Variants in ALK observed in about 807,000 individuals in gnomAD.
ALK encodes ALK receptor tyrosine kinase, also known as ALK tyrosine kinase receptor.
In ALK, 74 loss-of-function variants were observed where a neutral mutation model predicts 163.1. That is an observed-to-expected ratio of 0.45 (90% CI 0.38 to 0.55). The LOEUF is 0.55. Ranked by LOEUF, ALK falls within the 20% of genes least tolerant of loss-of-function variation. The pLI is 0.00. For missense variants in ALK, 2,063 were observed against 2,105.3 expected, an observed-to-expected ratio of 0.98 and a Z score of 0.39; for synonymous variants, 960 against 843.2, an observed-to-expected ratio of 1.14 and a Z score of -2.40.
At chr2:29,544,399 G>A (rs959342864) in intron 3 of ALK, among the ~76,000 whole-genome samples, 13 of 152,302 alleles carry the variant, frequency 8.5e-5, no homozygotes, top group African/African-American at 3.1e-4. Context: ...ATGCCAATAA[G>A]AGTTGTGGCT....
At chr2:29,363,799 C>G (rs1668436670) in intron 5 of ALK, among the ~76,000 whole-genome samples, 2 of 152,186 alleles carry the variant, frequency 1.3e-5, no homozygotes, top group African/African-American at 4.8e-5. Flanking sequence ...TCAGCCATCT[C>G]TTCAGAAAAG....
At chr2:29,283,237 T>G (rs901818872) in intron 9 of ALK, among the ~76,000 whole-genome samples, 2 of 152,204 alleles carry the variant, frequency 1.3e-5, no homozygotes, top group Admixed American at 6.5e-5. Flanking sequence ...AATTTTCCCA[T>G]CATCTCTTGC....
At chr2:29,483,431 C>G (rs7588356) in intron 4 of ALK, among the ~76,000 whole-genome samples, 1 of 152,122 alleles carries the variant, frequency 6.6e-6, no homozygotes, top group African/African-American at 2.4e-5. Flanking sequence ...AGTCTGTGCA[C>G]CAGTAGGCGG....
chr2:29,574,361 A>G (rs11692639), intron 3 of ALK, among the ~76,000 whole-genome samples: 18,833 of 152,298 alleles, frequency 0.12, 1,541 homozygotes, highest in Non-Finnish European at 0.19. Flanking sequence ...CGAAACGTAC[A>G]TGAGGGGGTT....
chr2:29,358,993 T>C (rs561212149), intron 5 of ALK, among the ~76,000 whole-genome samples: 48 of 152,244 alleles, frequency 3.2e-4, no homozygotes, highest in African/African-American at 1.1e-3. Flanking sequence ...TCTAGGTATA[T>C]CTAGAGATCA....
intron 4 of ALK, among the ~76,000 whole-genome samples, chr2:29,488,448 C>T (rs1199519277): frequency 4.6e-5 from 7 of 152,042 alleles, no homozygotes; most frequent in South Asian, 2.1e-4. Flanking sequence ...AGCAGAACAG[C>T]GCTAGTTCAG....
chr2:29,273,320 C>T (rs1335438050), intron 11 of ALK, among the ~76,000 whole-genome samples: 2 of 152,220 alleles, frequency 1.3e-5, no homozygotes, highest in Non-Finnish European at 2.9e-5. Flanking sequence ...ATAGGCACTA[C>T]CTCAGTATTG....
At chr2:29,800,946 C>T (rs1337853475) in intron 1 of ALK, among the ~76,000 whole-genome samples, 1 of 152,184 alleles carries the variant, frequency 6.6e-6, no homozygotes, top group African/African-American at 2.4e-5. Flanking sequence ...CCTGTGGGCT[C>T]CCGTGGGCGC....
At chr2:29,498,931 G>A (rs980874518) in intron 4 of ALK, among the ~76,000 whole-genome samples, 2 of 152,164 alleles carry the variant, frequency 1.3e-5, no homozygotes, top group African/African-American at 4.8e-5. Context: ...TTGGAAGCTA[G>A]AAGATCACCT....
At chr2:29,767,576 C>A (rs1269953637) in intron 1 of ALK, among the ~76,000 whole-genome samples, 2 of 152,186 alleles carry the variant, frequency 1.3e-5, no homozygotes, top group Non-Finnish European at 2.9e-5. Context: ...CATGGAGGGC[C>A]TAATGGAAGA....
intron 1 of ALK, among the ~76,000 whole-genome samples, chr2:29,832,602 A>G (rs1332894104): frequency 1.3e-5 from 2 of 152,358 alleles, no homozygotes; most frequent in South Asian, 2.1e-4. Flanking sequence ...GCTTCTGAAC[A>G]TAGCTACTTC....
chr2:29,678,281 CT>C lies in ALK; in HGVS notation c.952+16568del, dbSNP rs556873856. Among the ~76,000 whole-genome samples, 1,028 of 151,824 alleles carry C rather than the reference CT, an allele frequency of 6.8e-3. 6 individuals carry two copies. Among genetic ancestry groups the C allele is most frequent in the Non-Finnish European group, 9.8e-3 (664 of 67,808 alleles). ...TTGGGTTCAATGATTCTTACTACTGCTTTTTTATTTCATGGATTTCTACTCA... is the reference window on the plus strand; with the variant it reads ...TTGGGTTCAATGATTCTTACTACTGCTTTTTATTTCATGGATTTCTACTCA... On this transcript the variant is annotated intron_variant, in intron 3 of 28. Coordinates refer to ENST00000389048, the MANE Select transcript of ALK (RefSeq NM_004304.5).
chr2:29,773,185 A>G (rs886924638), intron 1 of ALK, among the ~76,000 whole-genome samples: 4 of 152,168 alleles, frequency 2.6e-5, no homozygotes, highest in African/African-American at 9.7e-5. Context: ...TATTATTTGT[A>G]AATTGTACAC....
At chr2:29,232,560 G>C in intron 14 of ALK, 112 bp from the exon 15 acceptor site, 1 of 1,445,722 alleles carries the variant, frequency 6.9e-7, no homozygotes, top group Non-Finnish European at 9.5e-7. Context: ...GGGGTGACCT[G>C]GTGACCTCTC....
chr2:29,913,949 G>C (rs1366633673), intron 1 of ALK, among the ~76,000 whole-genome samples: 1 of 148,986 alleles, frequency 6.7e-6, no homozygotes, highest in Non-Finnish European at 1.5e-5. Context: ...AGTGCCTCTA[G>C]ACCTGGACAG....
At chr2:29,247,787 T>A (rs1378733412) in intron 12 of ALK, among the ~76,000 whole-genome samples, 1 of 152,042 alleles carries the variant, frequency 6.6e-6, no homozygotes, top group Admixed American at 6.6e-5. Context: ...GCCGTCCCAG[T>A]GCCAGGCCTC....
rs772529808 is a variant in ALK, at chr2:29,694,882, G to A, written c.920C>T (p.Pro307Leu). 1 of 1,613,990 alleles carries A rather than the reference G, an allele frequency of 6.2e-7. No homozygotes were observed. The highest frequency in any genetic ancestry group is 2.2e-5 in the East Asian group (1 of 44,850). Reference protein sequence around the residue: ...EASQMDLLDGPGAERSKEMPR... With the variant: ...EASQMDLLDGLGAERSKEMPR... ...CATCTCCTTAGAACGCTCTGCCCCA[G>A]GCCCATCCAGCAAGTCCATCTGGGA... Residue 307 changes from proline to leucine, a missense_variant, in exon 3 of 29, where the codon CCT becomes CTT. Transcript: ENST00000389048.
At position 29,227,702 on chromosome 2, in the gene ALK, AT is replaced by A. The variant is rs775325097; in HGVS notation, c.2816-31del. ...GTAGCAAACCAGAGCAGAGTTTAAC[AT>A]GGGGGGTGGGTGCCAAAATCTTAAC... On this transcript the variant is annotated intron_variant, in intron 16 of 28. Coordinates refer to ENST00000389048, the MANE Select transcript of ALK (RefSeq NM_004304.5). This position sits in a 1 kb window ranked among gnomAD's most constrained non-coding sequence, Gnocchi z 4.4. 1.3e-6 allele frequency: 2 copies of A among 1,588,590 alleles called. No homozygotes were observed. The highest frequency in any genetic ancestry group is 1.7e-6 in the Non-Finnish European group (2 of 1,157,786).
At chr2:29,267,809 T>C (rs1665259215) in intron 11 of ALK, among the ~76,000 whole-genome samples, 1 of 152,236 alleles carries the variant, frequency 6.6e-6, no homozygotes, top group Non-Finnish European at 1.5e-5. Flanking sequence ...TCTGAGAAGA[T>C]GCAGAGCTGT....
Sources: allele counts gnomAD v4.1 joint callset (sites outside exome capture counted in the v4.1 genomes callset), GRCh38; gene constraint gnomAD v4.1.1; non-coding constraint Gnocchi (gnomAD v3.1); transcripts MANE v1.5; gene names NCBI Gene and HGNC (gene_info 2026-07-23, HGNC 2026-07-21).